ACCSL: variants seen among roughly 807,000 people sequenced by gnomAD.
ACCSL encodes 1-aminocyclopropane-1-carboxylate synthase homolog (inactive) like, also known as probable inactive 1-aminocyclopropane-1-carboxylate synthase-like protein 2.
Under a neutral mutation model 61.7 loss-of-function variants are expected in ACCSL, and 55 were observed. The ratio of observed to expected loss-of-function variants is 0.89; its 90% CI spans 0.72 to 1.12. The LOEUF (loss-of-function observed/expected upper bound fraction) is 1.12, where lower values mean the gene tolerates loss of function less well. Among genes scored for constraint, ACCSL ranks in the 50% most tolerant of loss-of-function variants. The pLI is 0.00. For synonymous variants in ACCSL, 258 were observed against 264.3 expected (o/e 0.98, Z 0.23); for missense variants, 632 against 698.0 (o/e 0.91, Z 1.07).
chr11:44,020,907 C>G, the ACCSL span, among the ~76,000 whole-genome samples: 1 of 152,114 alleles, frequency 6.6e-6, no homozygotes, highest in Non-Finnish European at 1.5e-5. Flanking sequence ...AGTTACTTCA[C>G]TTAGAATGAT....
the ACCSL span, chr11:43,933,010 C>T: frequency 2.2e-5 from 10 of 452,422 alleles, no homozygotes; most frequent in East Asian, 5.6e-4. Context: ...GTAGCTGGGG[C>T]TTGGTACTAC....
At chr11:43,978,081 C>T in the ACCSL span, among the ~76,000 whole-genome samples, 1 of 141,500 alleles carries the variant, frequency 7.1e-6, no homozygotes, top group African/African-American at 2.7e-5. Context: ...ACGATCTTGG[C>T]TCACTGCAAC....
At chr11:43,927,064 C>T in the ACCSL span, among the ~76,000 whole-genome samples, 1 of 152,256 alleles carries the variant, frequency 6.6e-6, no homozygotes, top group Admixed American at 6.5e-5. Context: ...TCACAATTTG[C>T]AGTATATATA....
the ACCSL span, chr11:43,925,375 C>T: frequency 8.8e-6 from 4 of 456,094 alleles, no homozygotes; most frequent in African/African-American, 6.0e-5. Context: ...GGTCACGGTG[C>T]CTACTGGGAC....
At chr11:44,025,923 A>G in the ACCSL span, among the ~76,000 whole-genome samples, 1 of 152,210 alleles carries the variant, frequency 6.6e-6, no homozygotes, top group African/African-American at 2.4e-5. Context: ...GATCTTATTA[A>G]GAGGCTCTTG....
At chr11:43,939,712 C>T in the ACCSL span, among the ~76,000 whole-genome samples, 6 of 152,222 alleles carry the variant, frequency 3.9e-5, no homozygotes, top group Admixed American at 2.0e-4. Context: ...CAGGTTCAAA[C>T]GATTCTCATG....
At chr11:44,018,396 A>C in the ACCSL span, among the ~76,000 whole-genome samples, 2 of 152,148 alleles carry the variant, frequency 1.3e-5, no homozygotes, top group Non-Finnish European at 1.5e-5. Context: ...CCCCAGCCCC[A>C]CTCAGGCTTA....
chr11:44,005,316 C>A, the ACCSL span, among the ~76,000 whole-genome samples: 3 of 152,052 alleles, frequency 2.0e-5, no homozygotes, highest in Admixed American at 2.0e-4. Flanking sequence ...TACTGCTGAT[C>A]GTGGGCTGCA....
intron 9 of ACCSL, among the ~76,000 whole-genome samples, chr11:44,055,545 G>T (rs746691009): frequency 5.3e-5 from 8 of 152,204 alleles, no homozygotes; most frequent in Non-Finnish European, 1.0e-4. Context: ...CTCATAAAAT[G>T]CCAGGGTAGG....
chr11:43,969,339 T>A, the ACCSL span, among the ~76,000 whole-genome samples: 1 of 152,150 alleles, frequency 6.6e-6, no homozygotes, highest in Non-Finnish European at 1.5e-5. Context: ...CCAGCCTAGG[T>A]GGCAGAGTGA....
In ACCSL at chr11:44,058,356, G is replaced by T. The variant is rs772094369; in HGVS notation, c.1367G>T (p.Arg456Leu). Residue 456 changes from arginine to leucine, a missense_variant, in exon 12 of 14, where the codon CGG becomes CTG. Transcript: ENST00000378832. ...GTATACCTACCCACCAATTGCTACC[G>T]GCTCCGGGAAGCTCACAAGTACATC... ...DKVYLPTNCY[R>L]LREAHKYITA... 60 of 1,614,018 alleles carry T rather than the reference G, an allele frequency of 3.7e-5. No individual in the cohort carries two copies. The highest frequency in any genetic ancestry group is 2.5e-4 in the Admixed American group (15 of 59,998).
the ACCSL span, among the ~76,000 whole-genome samples, chr11:43,979,824 G>A: frequency 3.5e-5 from 5 of 143,194 alleles, no homozygotes; most frequent in African/African-American, 8.0e-5. Context: ...TCCAGCCTGG[G>A]TGACAAAGCA....
chr11:43,946,669 G>T, the ACCSL span, among the ~76,000 whole-genome samples: 1 of 152,104 alleles, frequency 6.6e-6, no homozygotes, highest in Non-Finnish European at 1.5e-5. Context: ...AAATTCTATT[G>T]AATAGATACT....
At chr11:44,041,829 GC>G in the ACCSL span, among the ~76,000 whole-genome samples, 4 of 152,246 alleles carry the variant, frequency 2.6e-5, no homozygotes, top group African/African-American at 9.6e-5. Context: ...TAGGAGGCTG[GC>G]TTTTTAGCTG....
the ACCSL span, among the ~76,000 whole-genome samples, chr11:44,001,359 G>A: frequency 6.6e-6 from 1 of 151,484 alleles, no homozygotes. Flanking sequence ...TTGTTTCCAG[G>A]TTTTTCCATC....
chr11:44,048,070 T>C lies in ACCSL; in HGVS notation c.34T>C (p.Ser12Pro), dbSNP rs1952610649. The change falls in exon 1 of 14, where the codon TCT (serine) becomes CCT (proline). Residue 12 changes from serine to proline, a missense_variant. Coordinates refer to ENST00000378832, the MANE Select transcript of ACCSL (RefSeq NM_001031854.2). ...SHRSDTLPVP[S>P]GQRRGRVPRD... ...TCGGTCAGACACCCTTCCTGTGCCC[T>C]CTGGTCAGAGGAGAGGCCGGGTCCC... 1 of 1,613,646 alleles carries C rather than the reference T, an allele frequency of 6.2e-7. No homozygotes were observed. Among genetic ancestry groups the C allele is most frequent in the Non-Finnish European group, 8.5e-7 (1 of 1,179,692 alleles).
At chr11:43,933,100 ACT>A in the ACCSL span, 1 of 455,954 alleles carries the variant, frequency 2.2e-6, no homozygotes, top group Admixed American at 2.4e-5. Context: ...TAGGCAGAAG[ACT>A]CTGCTTCCAA....
the ACCSL span, among the ~76,000 whole-genome samples, chr11:43,998,353 C>G: frequency 6.6e-6 from 1 of 152,154 alleles, no homozygotes; most frequent in Admixed American, 6.5e-5. Flanking sequence ...CATCCCCTTT[C>G]TTTTCAGTGT....
the ACCSL span, among the ~76,000 whole-genome samples, chr11:43,947,681 G>T: frequency 0.61 from 91,865 of 151,594 alleles, 28,111 homozygotes; most frequent in East Asian, 0.8. Context: ...GATGTTGGAT[G>T]TTGAGAGACA....
Sources: allele counts gnomAD v4.1 joint callset (sites outside exome capture counted in the v4.1 genomes callset), GRCh38; gene constraint gnomAD v4.1.1; transcripts MANE v1.5; gene names NCBI Gene and HGNC (gene_info 2026-07-23, HGNC 2026-07-21).